Variants in DBT observed in about 807,000 individuals in gnomAD.
DBT encodes lipoamide acyltransferase component of branched-chain alpha-keto acid dehydrogenase complex, mitochondrial.
A neutral mutation model predicts 51.3 loss-of-function variants in DBT; 40 were observed. The observed-to-expected ratio is 0.78, with a 90% CI of 0.61 to 1.02. The LOEUF is 1.02. Among genes scored for constraint, DBT ranks in the 50% least tolerant of loss-of-function variants. The pLI is 0.00. For synonymous variants in DBT, 181 were observed against 190.4 expected (o/e 0.95, Z 0.41); for missense variants, 510 against 580.2 (o/e 0.88, Z 1.24).
At chr1:100,219,650 A>AG (rs777053445) in intron 4 of DBT, among the ~76,000 whole-genome samples, 5 of 151,812 alleles carry the variant, frequency 3.3e-5, no homozygotes, top group South Asian at 2.1e-4. Flanking sequence ...CAGGAAGCTG[A>AG]GGCGGGGAGA....
At chr1:100,213,271 G>T in intron 7 of DBT, 2 of 1,344,100 alleles carry the variant, frequency 1.5e-6, no homozygotes, top group South Asian at 1.8e-5. Flanking sequence ...CGCCGGGGCC[G>T]ACAGAGCCGA....
chr1:100,208,910 C>CAAAAAAAAAAAAAA (rs11369687), intron 8 of DBT, among the ~76,000 whole-genome samples: 1 of 109,428 alleles, frequency 9.1e-6, no homozygotes, highest in African/African-American at 3.3e-5. Flanking sequence ...GACTCTGTAT[C>CAAAAAAAAAAAAAA]AAAAAAAAAA....
chr1:100,211,694 G>T (rs1346067255), intron 7 of DBT, among the ~76,000 whole-genome samples: 2 of 152,200 alleles, frequency 1.3e-5, no homozygotes, highest in Non-Finnish European at 2.9e-5. Flanking sequence ...GTTAGGACAG[G>T]TTAAGAGAGT....
chr1:100,206,225 T>C lies in DBT; in HGVS notation c.1281+5A>G, dbSNP rs199571242. On this transcript the variant is annotated splice_donor_5th_base_variant and intron_variant, in intron 10 of 10. Coordinates refer to ENST00000370132, the MANE Select transcript of DBT (RefSeq NM_001918.5). Reference sequence around the variant, plus strand: ...CTCCATTTTTCAGTTATCTAATACATGTACCTTAATTGATCCAAGGGCCCC... The same window carrying C: ...CTCCATTTTTCAGTTATCTAATACACGTACCTTAATTGATCCAAGGGCCCC... The C allele has an allele frequency of 2.8e-5, 45 of 1,606,190 alleles. No homozygotes were observed. In the Middle Eastern group the frequency reaches 6.6e-4, roughly 24 times the overall value.
At chr1:100,209,108 TTTTG>T in intron 8 of DBT, among the ~76,000 whole-genome samples, 1 of 151,084 alleles carries the variant, frequency 6.6e-6, no homozygotes, top group African/African-American at 2.4e-5. Context: ...CTTTTTTTTT[TTTTG>T]ACAAAGGCAG....
chr1:100,202,593 C>A (rs1306194059), intron 10 of DBT, among the ~76,000 whole-genome samples: 44 of 152,192 alleles, frequency 2.9e-4, no homozygotes. Flanking sequence ...TAGACATCGA[C>A]AGAACTCTCC....
rs150887410 is a variant in DBT at position 100,206,911 on chromosome 1, C to T, written c.1018-275G>A. 4.4e-3 allele frequency among the ~76,000 whole-genome samples: 668 copies of T among 152,178 alleles called. 1 individual carries two copies. The highest frequency in any genetic ancestry group is 0.024 in the Middle Eastern group (7 of 294). On this transcript the variant is annotated intron_variant, in intron 8 of 10. Transcript: ENST00000370132. ...CCAGCCTGGCCAACATAGTGAAACC[C>T]CATCTTTACTAAAAATACAAAAATT...
At position 100,193,120 on chromosome 1, in the gene DBT, C is replaced by T. The variant is rs886044953; in HGVS notation, c.*3135G>A. 1.3e-5 allele frequency: 2 copies of T among 152,142 alleles called. No individual in the cohort carries two copies. The highest frequency in any genetic ancestry group is 2.4e-5 in the African/African-American group (1 of 41,408). The allele number at this position is 152,142 out of a possible 1,614,324, so 9.4% of individuals were successfully genotyped here. A position where few individuals can be genotyped will look rare whatever the true frequency, so the allele number is the denominator to read the frequency against. On this transcript the variant is annotated 3_prime_UTR_variant, in exon 11 of 11. Coordinates refer to ENST00000370132, the MANE Select transcript of DBT (RefSeq NM_001918.5). Reference sequence around the variant, plus strand: ...TTTGCTGAATTCTCAATGCATGAGACCAAAGAGAAGATAGTAATACCCAAG... The same window carrying T: ...TTTGCTGAATTCTCAATGCATGAGATCAAAGAGAAGATAGTAATACCCAAG...
At chr1:100,232,935 A>G (rs895456165) in intron 3 of DBT, among the ~76,000 whole-genome samples, 3 of 152,218 alleles carry the variant, frequency 2.0e-5, no homozygotes, top group Non-Finnish European at 4.4e-5. Flanking sequence ...TGTAATCCTC[A>G]GGGCAACCAC....
At chr1:100,230,176 C>A (rs958662246) in intron 4 of DBT, among the ~76,000 whole-genome samples, 1 of 152,084 alleles carries the variant, frequency 6.6e-6, no homozygotes, top group Non-Finnish European at 1.5e-5. Context: ...CCTCTTTGAA[C>A]ACTAACATCT....
chr1:100,249,136 T>TA, intron 1 of DBT: 2 of 980,444 alleles, frequency 2.0e-6, no homozygotes, highest in Non-Finnish European at 2.4e-6. Context: ...CAAATAGGGG[T>TA]AACAAGTATC....
At chr1:100,218,544 C>T (rs1477441632) in intron 5 of DBT, 82 bp downstream of exon 5, 9 of 1,477,370 alleles carry the variant, frequency 6.1e-6, no homozygotes, top group Non-Finnish European at 8.5e-6. Flanking sequence ...GCTATTTCAT[C>T]ATGGGATAGT....
chr1:100,203,630 T>C (rs949733212), intron 10 of DBT, among the ~76,000 whole-genome samples: 1 of 152,162 alleles, frequency 6.6e-6, no homozygotes, highest in African/African-American at 2.4e-5. Flanking sequence ...TACCAAAACC[T>C]GGCAGAGACA....
Position 100,196,423 on chromosome 1 carries a change from CT to C in DBT, c.1282-2del. On this transcript the variant is annotated splice_acceptor_variant, in intron 10 of 10. Coordinates refer to ENST00000370132, the MANE Select transcript of DBT (RefSeq NM_001918.5). LOFTEE classifies it high-confidence loss of function. Reference sequence around the variant, plus strand: ...CTTTCTGGTTAAATCGGGGAATGGCCTAGAAATGAAAAAAAAAAAAAAAAAA... The same window carrying C: ...CTTTCTGGTTAAATCGGGGAATGGCCAGAAATGAAAAAAAAAAAAAAAAAA... The C allele has an allele frequency of 1.3e-6, 1 of 763,802 alleles. No homozygotes were observed. The highest frequency in any genetic ancestry group is 1.9e-6 in the Non-Finnish European group (1 of 534,698). 47.3% of individuals were successfully genotyped at this position (763,802 alleles called of 1,614,324 possible). A position where few individuals can be genotyped will look rare whatever the true frequency, so the allele number is the denominator to read the frequency against.
rs993004255 is a variant in DBT at position 100,188,867 on chromosome 1, G to A, written c.*7388C>T. ...TTCTCCTGCTCAGTTTTAGCAAGCT[G>A]GCCTGGAGTTCTCTCACACGGTCTG... On this transcript the variant is annotated 3_prime_UTR_variant, in exon 11 of 11. Coordinates refer to ENST00000370132, the MANE Select transcript of DBT (RefSeq NM_001918.5). 6.6e-6 allele frequency: 1 copy of A among 152,216 alleles called. No individual in the cohort carries two copies. Among genetic ancestry groups the A allele is most frequent in the Non-Finnish European group, 1.5e-5 (1 of 68,128 alleles). 9.4% of individuals were successfully genotyped at this position (152,216 alleles called of 1,614,324 possible).
At chr1:100,237,818 T>A (rs1036047310) in intron 2 of DBT, among the ~76,000 whole-genome samples, 3 of 151,966 alleles carry the variant, frequency 2.0e-5, no homozygotes, top group Admixed American at 1.3e-4. Flanking sequence ...AAAAATTTTT[T>A]ATAGAGGTGA....
chr1:100,206,487 A>G lies in DBT; in HGVS notation c.1167T>C (p.Thr389=). ...KLGSVSQLST[T]DLTGGTFTLS... is the part of the protein sequence containing the mutation. ...GAGTAAATGTTCCTCCTGTAAGATCAGTGGTGCTGAGCTGACTCACAGAGC... is the reference window on the plus strand; with the variant it reads ...GAGTAAATGTTCCTCCTGTAAGATCGGTGGTGCTGAGCTGACTCACAGAGC... Residue 389 remains threonine, a synonymous_variant, in exon 9 of 11, where the codon ACT becomes ACC. Coordinates refer to ENST00000370132, the MANE Select transcript of DBT (RefSeq NM_001918.5). 2 of 1,613,886 alleles carry G rather than the reference A, an allele frequency of 1.2e-6. No individual in the cohort carries two copies. The highest frequency in any genetic ancestry group is 2.2e-5 in the South Asian group (2 of 91,072).
chr1:100,213,707 C>T, intron 7 of DBT: 1 of 1,590,008 alleles, frequency 6.3e-7, no homozygotes, highest in Admixed American at 1.8e-5. Flanking sequence ...ACACCCAGCT[C>T]TCTTTTTCTA....
chr1:100,247,748 T>C (rs984933397), intron 1 of DBT, among the ~76,000 whole-genome samples: 1 of 150,574 alleles, frequency 6.6e-6, no homozygotes, highest in Admixed American at 6.6e-5. Flanking sequence ...GGTTCAGTTC[T>C]AGAGGCTGGA....
Sources: allele counts gnomAD v4.1 joint callset (sites outside exome capture counted in the v4.1 genomes callset), GRCh38; gene constraint gnomAD v4.1.1; transcripts MANE v1.5; gene names NCBI Gene and HGNC (gene_info 2026-07-23, HGNC 2026-07-21).